Variants in PDE4D observed in about 807,000 individuals in gnomAD.
PDE4D encodes 3',5'-cyclic-AMP phosphodiesterase 4D.
Under a neutral mutation model 87.4 loss-of-function variants are expected in PDE4D, and 24 were observed. The observed-to-expected ratio is 0.27, with a 90% CI of 0.20 to 0.39. The LOEUF (loss-of-function observed/expected upper bound fraction) is 0.39, where lower values mean the gene tolerates loss of function less well. Ranked by LOEUF, PDE4D falls within the 10% of genes least tolerant of loss-of-function variation. PDE4D has a pLI of 1.00. For synonymous variants in PDE4D, 384 were observed against 383.2 expected (o/e 1.00, Z -0.02); for missense variants, 714 against 1,041.0 (o/e 0.69, Z 4.32).
At chr5:59,981,141 A>T (rs1761884439) in intron 3 of PDE4D, among the ~76,000 whole-genome samples, 2 of 152,144 alleles carry the variant, frequency 1.3e-5, no homozygotes, top group African/African-American at 4.8e-5. Context: ...CGTCTCAGCT[A>T]CTTGGGAGGC....
At chr5:59,438,464 G>A (rs1487409612) in intron 1 of PDE4D, among the ~76,000 whole-genome samples, 1 of 152,042 alleles carries the variant, frequency 6.6e-6, no homozygotes, top group Non-Finnish European at 1.5e-5. Flanking sequence ...GTAGATGCAA[G>A]GTAAATATTT....
At chr5:59,089,321 G>C (rs1290620897) in intron 5 of PDE4D, among the ~76,000 whole-genome samples, 2 of 152,010 alleles carry the variant, frequency 1.3e-5, no homozygotes, top group African/African-American at 2.4e-5. Context: ...AAACTAATTG[G>C]TATCAATTTT....
chr5:59,501,508 A>G (rs1808278582), intron 1 of PDE4D, among the ~76,000 whole-genome samples: 1 of 152,202 alleles, frequency 6.6e-6, no homozygotes, highest in African/African-American at 2.4e-5. Flanking sequence ...AGCACAGAGG[A>G]ATGTATTAAA....
At chr5:59,075,983 A>G (rs564867340) in intron 5 of PDE4D, among the ~76,000 whole-genome samples, 50 of 152,244 alleles carry the variant, frequency 3.3e-4, no homozygotes, top group Middle Eastern at 6.8e-3. Flanking sequence ...ATCTTTCTAG[A>G]GAGCAGTTTT....
chr5:59,516,234 G>T (rs575265335), intron 1 of PDE4D, among the ~76,000 whole-genome samples: 1 of 152,152 alleles, frequency 6.6e-6, no homozygotes, highest in South Asian at 2.1e-4. Context: ...CAGAGCATTT[G>T]CAAGATTCCC....
chr5:59,191,194 T>C (rs1744216236), intron 3 of PDE4D, among the ~76,000 whole-genome samples: 1 of 152,148 alleles, frequency 6.6e-6, no homozygotes, highest in Admixed American at 6.5e-5. Context: ...ATTAGTTTTT[T>C]TTCCTTGGAG....
In PDE4D at chr5:59,417,988, G is replaced by A. The variant is rs1471772798; in HGVS notation, c.456-202020C>T. Among the ~76,000 whole-genome samples, 3 of 152,142 alleles carry A rather than the reference G, an allele frequency of 2.0e-5. No homozygotes were observed. In the East Asian group the frequency reaches 5.8e-4, roughly 29 times the overall value. ...CCTGATAGGTTTGCATTTAGCCATTGCAGAAACATAGAACTTAAAAGAATA... is the reference window on the plus strand; with the variant it reads ...CCTGATAGGTTTGCATTTAGCCATTACAGAAACATAGAACTTAAAAGAATA... On this transcript the variant is annotated intron_variant, in intron 1 of 14. Coordinates refer to ENST00000340635, the MANE Select transcript of PDE4D (RefSeq NM_001104631.2).
chr5:60,352,437 A>G (rs1759284341), intron 1 of PDE4D, among the ~76,000 whole-genome samples: 1 of 152,228 alleles, frequency 6.6e-6, no homozygotes, highest in Non-Finnish European at 1.5e-5. Context: ...AAAAGCAGGT[A>G]GTATGATGAG....
intron 1 of PDE4D, among the ~76,000 whole-genome samples, chr5:60,474,149 T>TAA (rs1554041552): frequency 1.6e-4 from 15 of 94,396 alleles, no homozygotes; most frequent in African/African-American, 7.6e-4. Context: ...TATATATATA[T>TAA]AACAAAAACC....
At chr5:59,895,650 T>G (rs1298383849), upstream of PDE4D, among the ~76,000 whole-genome samples, 3 of 152,256 alleles carry the variant, frequency 2.0e-5, no homozygotes, top group Admixed American at 1.3e-4. Flanking sequence ...TTTAATTCAT[T>G]GCATTATTAA....
At chr5:59,081,718 T>C (rs1231931663) in intron 5 of PDE4D, among the ~76,000 whole-genome samples, 1 of 152,144 alleles carries the variant, frequency 6.6e-6, no homozygotes, top group Non-Finnish European at 1.5e-5. Flanking sequence ...AGTATTACTT[T>C]TATGATATTG....
intron 2 of PDE4D, among the ~76,000 whole-genome samples, chr5:60,144,632 T>C (rs1406460810): frequency 1.3e-5 from 2 of 152,228 alleles, no homozygotes; most frequent in Non-Finnish European, 2.9e-5. Context: ...TAGAATTCTA[T>C]CTATTTCTCA....
chr5:59,194,450 A>G (rs541125249), intron 2 of PDE4D, among the ~76,000 whole-genome samples: 1 of 152,250 alleles, frequency 6.6e-6, no homozygotes, highest in African/African-American at 2.4e-5. Context: ...TCTGAAAACA[A>G]CCTGAGTGAC....
chr5:60,171,856 C>A (rs1783459433), intron 2 of PDE4D, among the ~76,000 whole-genome samples: 1 of 151,876 alleles, frequency 6.6e-6, no homozygotes, highest in Non-Finnish European at 1.5e-5. Flanking sequence ...TTTCCATATA[C>A]TAACTTTAAG....
At chr5:59,410,562 A>G (rs2153620506) in intron 1 of PDE4D, among the ~76,000 whole-genome samples, 1 of 152,160 alleles carries the variant, frequency 6.6e-6, no homozygotes, top group South Asian at 2.1e-4. Context: ...AAGTATTTTT[A>G]TTTTAGTTAC....
At chr5:60,052,369 C>T (rs1770272438) in intron 2 of PDE4D, among the ~76,000 whole-genome samples, 2 of 152,162 alleles carry the variant, frequency 1.3e-5, no homozygotes, top group Non-Finnish European at 2.9e-5. Flanking sequence ...CCCTGGGATA[C>T]AAGGCTGGTT....
At chr5:59,766,459 C>T (rs1474454686) in intron 1 of PDE4D, among the ~76,000 whole-genome samples, 4 of 152,218 alleles carry the variant, frequency 2.6e-5, no homozygotes, top group Admixed American at 2.0e-4. Context: ...AGCCTATTTT[C>T]ATGGGATTTC....
chr5:60,010,561 G>A (rs999526737), intron 2 of PDE4D, among the ~76,000 whole-genome samples: 2 of 152,054 alleles, frequency 1.3e-5, no homozygotes, highest in Non-Finnish European at 2.9e-5. Flanking sequence ...TGACATCTGT[G>A]TACCCCTCAT....
At chr5:59,111,818 C>A (rs1430748038) in intron 5 of PDE4D, among the ~76,000 whole-genome samples, 1 of 152,184 alleles carries the variant, frequency 6.6e-6, no homozygotes, top group East Asian at 1.9e-4. Context: ...TGTAACAGAA[C>A]TGAGTACATC....
Sources: gnomAD v4.1 joint callset for allele counts (sites outside exome capture counted in the v4.1 genomes callset) on GRCh38, gnomAD v4.1.1 for gene constraint, MANE v1.5 for transcripts, NCBI Gene and HGNC (gene_info 2026-07-23, HGNC 2026-07-21) for gene names.